Variants in ZBTB7C observed in about 807,000 individuals in gnomAD.
ZBTB7C encodes the protein zinc finger and BTB domain-containing protein 7C.
ZBTB7C carries 8 observed loss-of-function variants against 25.7 expected under a neutral mutation model. The ratio of observed to expected loss-of-function variants is 0.31; its 90% confidence interval spans 0.18 to 0.56. The LOEUF (loss-of-function observed/expected upper bound fraction) is 0.56, where lower values mean the gene tolerates loss of function less well. Among genes scored for constraint, ZBTB7C ranks in the 20% least tolerant of loss-of-function variants. The pLI, the probability that ZBTB7C is intolerant of heterozygous loss-of-function variation, is 0.91. For missense variants in ZBTB7C, 824 were observed against 855.2 expected (o/e 0.96, Z 0.46); for synonymous variants, 394 against 369.0 (o/e 1.07, Z -0.78).
chr18:48,178,263 C>T (rs2041752011), intron 3 of ZBTB7C, among the ~76,000 whole-genome samples: 1 of 152,340 alleles, frequency 6.6e-6, no homozygotes, highest in Non-Finnish European at 1.5e-5. Flanking sequence ...GTATTTGGTA[C>T]TTGTCTGCAC....
intron 3 of ZBTB7C, among the ~76,000 whole-genome samples, chr18:48,044,137 G>T (rs1272384189): frequency 6.6e-6 from 1 of 152,186 alleles, no homozygotes; most frequent in Non-Finnish European, 1.5e-5. Flanking sequence ...CATGGTTCTT[G>T]TCTATTGACA....
At chr18:48,367,218 C>G (rs56271442) in intron 1 of ZBTB7C, among the ~76,000 whole-genome samples, 1 of 76,958 alleles carries the variant, frequency 1.3e-5, no homozygotes, top group Non-Finnish European at 2.8e-5. Context: ...CACACACACA[C>G]ACACACACAC....
Position 48,026,981 on chromosome 18 carries a change from G to A in ZBTB7C, c.*2279C>T, listed in dbSNP as rs1176922571. The A allele has an allele frequency of 1.3e-5, 2 of 151,724 alleles. No homozygotes were observed. Among genetic ancestry groups the A allele is most frequent in the Non-Finnish European group, 2.9e-5 (2 of 67,984 alleles). 9.4% of individuals were successfully genotyped at this position (151,724 alleles called of 1,614,324 possible). The stretch of plus-strand genomic sequence containing the variant: ...CGTGCGACCGAAGTTATGGAAGATT[G>A]TCCCTTGAATCACTAAGGCAAACTT... On this transcript the variant is annotated 3_prime_UTR_variant, in exon 5 of 5. Transcript: ENST00000590800.
chr18:48,395,375 A>ATGTGTGTG (rs149447084), intron 1 of ZBTB7C, among the ~76,000 whole-genome samples: 3 of 82,766 alleles, frequency 3.6e-5, no homozygotes, highest in South Asian at 4.5e-4. Context: ...TTCTATTCAA[A>ATGTGTGTG]TGTGTGTGTG....
At position 48,040,202 on chromosome 18, in the gene ZBTB7C, CGGTGGG is replaced by C; in HGVS notation, c.900_905del (p.Pro303_Pro304del). ...TGAAGAAGTCATTAGGGAAGGGTGG[CGGTGGG>C]GGTGGGGGCAGCTCCTCCTTCTCCT... On this transcript the variant is annotated inframe_deletion, in exon 4 of 5. Coordinates refer to ENST00000590800, the MANE Select transcript of ZBTB7C (RefSeq NM_001318841.2). The C allele has an allele frequency of 1.3e-6, 2 of 1,571,414 alleles. No individual in the cohort carries two copies. Among genetic ancestry groups the C allele is most frequent in the South Asian group, 2.4e-5 (2 of 83,148 alleles).
chr18:48,126,188 G>T (rs2039793452), intron 3 of ZBTB7C, among the ~76,000 whole-genome samples: 1 of 152,044 alleles, frequency 6.6e-6, no homozygotes, highest in African/African-American at 2.4e-5. Context: ...TCAGTCTCTG[G>T]TAATAATTAC....
intron 2 of ZBTB7C, among the ~76,000 whole-genome samples, chr18:48,204,781 TC>T (rs1283070589): frequency 6.6e-6 from 1 of 152,042 alleles, no homozygotes; most frequent in Non-Finnish European, 1.5e-5. Context: ...TCCCAACACA[TC>T]CCAGCTATAC....
intron 1 of ZBTB7C, among the ~76,000 whole-genome samples, chr18:48,378,138 CA>C (rs1376117152): frequency 1.3e-5 from 2 of 149,786 alleles, no homozygotes; most frequent in African/African-American, 4.9e-5. Context: ...AACTCCGTTT[CA>C]AAAAAAAAGG....
chr18:48,304,401 C>T (rs1003297795), intron 2 of ZBTB7C, among the ~76,000 whole-genome samples: 2 of 152,160 alleles, frequency 1.3e-5, no homozygotes, highest in East Asian at 1.9e-4. Context: ...CTTGGCCAGG[C>T]GTGGTGGCTC....
intron 2 of ZBTB7C, among the ~76,000 whole-genome samples, chr18:48,328,651 A>C (rs1275412327): frequency 1.3e-5 from 2 of 152,118 alleles, no homozygotes; most frequent in Non-Finnish European, 2.9e-5. Context: ...GGCAGCACAC[A>C]GTGAGTTCAT....
intron 1 of ZBTB7C, among the ~76,000 whole-genome samples, chr18:48,350,002 C>G (rs1568392103): frequency 1.3e-5 from 2 of 152,244 alleles, no homozygotes; most frequent in Admixed American, 1.3e-4. Context: ...CGGCACTACA[C>G]TGAAATGAGT....
At chr18:48,120,168 T>C (rs1442147208) in intron 3 of ZBTB7C, among the ~76,000 whole-genome samples, 2 of 152,012 alleles carry the variant, frequency 1.3e-5, no homozygotes, top group Non-Finnish European at 2.9e-5. Flanking sequence ...GGGGGAACCA[T>C]TGAGGAGTTG....
intron 2 of ZBTB7C, among the ~76,000 whole-genome samples, chr18:48,327,816 C>T (rs1568378862): frequency 6.6e-6 from 1 of 151,886 alleles, no homozygotes. Context: ...GATGTCCATA[C>T]ATGAGGTTAA....
chr18:48,312,248 G>C lies in ZBTB7C; in HGVS notation c.-79+25926C>G, dbSNP rs60183866. On this transcript the variant is annotated intron_variant, in intron 2 of 4. Coordinates refer to ENST00000590800, the MANE Select transcript of ZBTB7C (RefSeq NM_001318841.2). The stretch of plus-strand genomic sequence containing the variant: ...CTTCCCATGGTTCCCAGCCCACAGG[G>C]ATCTTCTTGAGGCCATCCAGGCAGC... Among the ~76,000 whole-genome samples the C allele has an allele frequency of 1.8e-3, 276 of 152,304 alleles. 1 individual carries two copies. In the East Asian group the frequency reaches 0.032, roughly 17 times the overall value.
At chr18:48,396,812 C>T (rs1019852245) in intron 1 of ZBTB7C, among the ~76,000 whole-genome samples, 13 of 152,174 alleles carry the variant, frequency 8.5e-5, no homozygotes, top group East Asian at 1.9e-4. Flanking sequence ...TGCTGAACCA[C>T]GAGCCACAAT....
chr18:48,254,759 T>C lies in ZBTB7C; in HGVS notation c.-78-68764A>G, dbSNP rs976595533. On this transcript the variant is annotated intron_variant, in intron 2 of 4. Transcript: ENST00000590800. ...CTTAAAAACCCCAGTCCTAAACTTC[T>C]TGGGGAGGTAGATTTGAGGTTTCCT... 3.3e-5 allele frequency among the ~76,000 whole-genome samples: 5 copies of C among 152,212 alleles called. No individual in the cohort carries two copies. The East Asian group carries it at 5.8e-4, about 18-fold the overall frequency.
intron 1 of ZBTB7C, among the ~76,000 whole-genome samples, chr18:48,395,145 C>T (rs1280463198): frequency 6.6e-6 from 1 of 152,062 alleles, no homozygotes; most frequent in Non-Finnish European, 1.5e-5. Flanking sequence ...TTTCCTCCTG[C>T]TCATGGTCAT....
chr18:48,087,880 A>G (rs994890263), intron 3 of ZBTB7C: 3 of 136,700 alleles, frequency 2.2e-5, no homozygotes, highest in Non-Finnish European at 4.7e-5. Flanking sequence ...TATTTTTCTT[A>G]TTTCTTCCTG....
intron 2 of ZBTB7C, among the ~76,000 whole-genome samples, chr18:48,254,613 A>C (rs1161745350): frequency 6.6e-6 from 1 of 152,172 alleles, no homozygotes; most frequent in Admixed American, 6.5e-5. Flanking sequence ...CCATGTCATT[A>C]ATCTTCTTGA....
Sources: gnomAD v4.1 joint callset for allele counts (sites outside exome capture counted in the v4.1 genomes callset) on GRCh38, gnomAD v4.1.1 for gene constraint, MANE v1.5 for transcripts, NCBI Gene and HGNC (gene_info 2026-07-23, HGNC 2026-07-21) for gene names.